Variants in COX7A2L observed in about 807,000 individuals in gnomAD.
The protein encoded by COX7A2L is cytochrome c oxidase subunit 7A2 like.
In COX7A2L, 18 loss-of-function variants were observed where a neutral mutation model predicts 14.2. The observed-to-expected ratio is 1.27, with a 90% CI of 0.88 to 1.88. The LOEUF (loss-of-function observed/expected upper bound fraction) is 1.88, where lower values mean the gene tolerates loss of function less well. COX7A2L is among the 40% of genes most tolerant of loss of function. The pLI is 0.00. For missense variants in COX7A2L, 179 were observed against 138.8 expected (o/e 1.29, Z -1.46); for synonymous variants, 65 against 57.4 (o/e 1.13, Z -0.60).
Position 42,338,358 on chromosome 2 carries a change from A to T in COX7A2L, c.193-4489T>A, listed in dbSNP as rs566795966. ...CTTATTCAGAATTAATCAAATGGAA[A>T]GGAAGAGCAGAATTTCACTCTCTAG... On this transcript the variant is annotated intron_variant, in intron 2 of 2. Coordinates refer to the COX7A2L transcript ENST00000468711. The surrounding 1 kb of genome is among the most constrained non-coding windows in gnomAD (Gnocchi z 4.4). 2.0e-5 allele frequency among the ~76,000 whole-genome samples: 3 copies of T among 152,296 alleles called. No individual in the cohort carries two copies. In the East Asian group the frequency reaches 5.8e-4, roughly 29 times the overall value.
In COX7A2L at chr2:42,339,722, C is replaced by G. The variant is rs1470486895; in HGVS notation, c.193-5853G>C. ...CACACAGCCACCCCTGGAGGAAGAC[C>G]TGGGATGCTGCCAGCACTCAGAAGT... On this transcript the variant is annotated intron_variant, in intron 2 of 2. Transcript: ENST00000468711. This position sits in a 1 kb window ranked among gnomAD's most constrained non-coding sequence, Gnocchi z 5.4. Among the ~76,000 whole-genome samples the G allele has an allele frequency of 6.6e-6, 1 of 152,178 alleles. No homozygotes were observed. The highest frequency in any genetic ancestry group is 1.5e-5 in the Non-Finnish European group (1 of 68,030).
intron 1 of COX7A2L, among the ~76,000 whole-genome samples, chr2:42,354,212 G>A (rs1461852418): frequency 1.3e-5 from 2 of 152,018 alleles, no homozygotes; most frequent in Non-Finnish European, 2.9e-5. Context: ...ACCCTAAATT[G>A]TACCCTTTAA....
chr2:42,359,389 T>G (rs1297678265), intron 1 of COX7A2L: 1 of 152,234 alleles, frequency 6.6e-6, no homozygotes, highest in Non-Finnish European at 1.5e-5. Context: ...TCTTGCATAT[T>G]GAGGGAGGTG....
chr2:42,362,322 A>G (rs1202577982), upstream of COX7A2L, among the ~76,000 whole-genome samples: 1 of 152,238 alleles, frequency 6.6e-6, no homozygotes, highest in Non-Finnish European at 1.5e-5. Context: ...TAGCTTCATC[A>G]TCTAACCATA....
At chr2:42,361,838 C>T (rs1264368908), upstream of COX7A2L, 1 of 152,238 alleles carries the variant, frequency 6.6e-6, no homozygotes, top group East Asian at 1.9e-4. Flanking sequence ...GGCCAAGCTT[C>T]CCCTGGCAAC....
rs1308629811 is a variant in COX7A2L at position 42,351,145 on chromosome 2, A to T, written c.*74T>A. On this transcript the variant is annotated 3_prime_UTR_variant, in exon 3 of 3. Coordinates refer to ENST00000234301, the MANE Select transcript of COX7A2L (RefSeq NM_004718.4). ...TTAAGCCATCCAAGTAAAAAAAAAA[A>T]TTTTAATTTAACAATGAAAAAGGAA... 2.1e-5 allele frequency: 30 copies of T among 1,457,584 alleles called. No homozygotes were observed. The highest frequency in any genetic ancestry group is 1.7e-4 in the East Asian group (7 of 41,740). 90.3% of individuals were successfully genotyped at this position (1,457,584 alleles called of 1,614,324 possible).
intron 1 of COX7A2L, among the ~76,000 whole-genome samples, chr2:42,368,670 T>C (rs577045393): frequency 9.8e-5 from 15 of 152,330 alleles, no homozygotes; most frequent in Admixed American, 2.0e-4. Context: ...TTTGTGAGGA[T>C]TGAGTTTATT....
chr2:42,352,281 C>T lies in COX7A2L; in HGVS notation c.205-922G>A, dbSNP rs147357075. 6.5e-3 allele frequency among the ~76,000 whole-genome samples: 985 copies of T among 152,160 alleles called. 12 individuals carry two copies. The highest frequency in any genetic ancestry group is 0.022 in the African/African-American group (925 of 41,512). On this transcript the variant is annotated intron_variant, in intron 2 of 2. Transcript: ENST00000234301. Reference sequence around the variant, plus strand: ...AAATCCTGGGCTAAAGTGATCCTCCCGCCTCGGCCTCTGGAGTAGCTGGGG... The same window carrying T: ...AAATCCTGGGCTAAAGTGATCCTCCTGCCTCGGCCTCTGGAGTAGCTGGGG...
At chr2:42,343,609 G>A (rs190285267) in intron 2 of COX7A2L, among the ~76,000 whole-genome samples, 81 of 152,254 alleles carry the variant, frequency 5.3e-4, no homozygotes, top group Non-Finnish European at 9.1e-4. Context: ...GAGGCAAAAC[G>A]TCAAATATAT....
At position 42,350,623 on chromosome 2, in the gene COX7A2L, G is replaced by C. The variant is rs970690435; in HGVS notation, c.*596C>G. The C allele has an allele frequency of 6.6e-6, 1 of 151,892 alleles. No individual in the cohort carries two copies. Among genetic ancestry groups the C allele is most frequent in the African/African-American group, 2.4e-5 (1 of 41,272 alleles). 9.4% of individuals were successfully genotyped at this position (151,892 alleles called of 1,614,324 possible). ...TTAACAAAACAGACACCAGTCTAAA[G>C]TGCAACACTAAACAGGTATTCTCTG... is the stretch of plus-strand genomic sequence containing the variant. On this transcript the variant is annotated 3_prime_UTR_variant, in exon 3 of 3. Coordinates refer to ENST00000234301, the MANE Select transcript of COX7A2L (RefSeq NM_004718.4).
rs1431771082 is a variant in COX7A2L at position 42,338,853 on chromosome 2, A to G, written c.193-4984T>C. On this transcript the variant is annotated intron_variant, in intron 2 of 2. Transcript: ENST00000468711. The surrounding 1 kb of genome is among the most constrained non-coding windows in gnomAD (Gnocchi z 4.4). ...CAGAGGTACCATCTCCCATGTCTAG[A>G]AAGGAAAAAGAGAAGATGAAGGCCT... 6.6e-6 allele frequency among the ~76,000 whole-genome samples: 1 copy of G among 152,198 alleles called. No homozygotes were observed. The highest frequency in any genetic ancestry group is 1.5e-5 in the Non-Finnish European group (1 of 68,034).
intron 2 of COX7A2L, among the ~76,000 whole-genome samples, chr2:42,337,778 T>C (rs1174515071): frequency 1.3e-5 from 2 of 152,158 alleles, no homozygotes; most frequent in East Asian, 3.8e-4. Context: ...TTACCTTCTT[T>C]TTATGCTTTT....
intron 2 of COX7A2L, 97 bp from the exon 3 acceptor site, chr2:42,351,456 T>A: frequency 7.3e-7 from 1 of 1,370,438 alleles, no homozygotes; most frequent in Non-Finnish European, 1.0e-6. Context: ...GGTAAGTAAT[T>A]CATCAACACA....
chr2:42,351,160 T>C lies in COX7A2L; in HGVS notation c.*59A>G. 6.7e-7 allele frequency: 1 copy of C among 1,500,600 alleles called. No homozygotes were observed. The highest frequency in any genetic ancestry group is 8.9e-7 in the Non-Finnish European group (1 of 1,121,526). 93.0% of individuals were successfully genotyped at this position (1,500,600 alleles called of 1,614,324 possible). A position where few individuals can be genotyped will look rare whatever the true frequency, so the allele number is the denominator to read the frequency against. On this transcript the variant is annotated 3_prime_UTR_variant, in exon 3 of 3. Transcript: ENST00000234301. ...AAAAAAAAAAATTTTAATTTAACAA[T>C]GAAAAAGGAACTTCAAAGGGTTTAT... is the stretch of plus-strand genomic sequence containing the variant.
In COX7A2L at chr2:42,366,677, C is replaced by T. The variant is rs563279232; in HGVS notation, c.-688+2191G>A. ...TGTAAAAGTAGTAAAACTGGATCTG[C>T]AGTCACTGATATTGCCCAAAAATTA... On this transcript the variant is annotated intron_variant, in intron 1 of 3. Coordinates refer to the COX7A2L transcript ENST00000378669. 2.0e-5 allele frequency among the ~76,000 whole-genome samples: 3 copies of T among 152,342 alleles called. No individual in the cohort carries two copies. In the East Asian group the frequency reaches 5.8e-4, roughly 29 times the overall value.
chr2:42,341,362 C>A (rs1282979894), intron 2 of COX7A2L, among the ~76,000 whole-genome samples: 1 of 152,210 alleles, frequency 6.6e-6, no homozygotes, highest in Non-Finnish European at 1.5e-5. Context: ...TCCCTCCCGA[C>A]CTGCCCAAGT....
upstream of COX7A2L, chr2:42,361,567 C>A (rs538326166): frequency 1.3e-5 from 2 of 159,768 alleles, no homozygotes; most frequent in African/African-American, 4.9e-5. Flanking sequence ...GGGCTCCAGG[C>A]GGGGCCTGGG....
At chr2:42,366,360 G>T (rs1671165757) in intron 1 of COX7A2L, among the ~76,000 whole-genome samples, 1 of 152,204 alleles carries the variant, frequency 6.6e-6, no homozygotes, top group Non-Finnish European at 1.5e-5. Flanking sequence ...GGAGGTTGAG[G>T]CTGCAGTGAC....
At chr2:42,357,919 T>C (rs771730589) in intron 1 of COX7A2L, among the ~76,000 whole-genome samples, 1 of 152,176 alleles carries the variant, frequency 6.6e-6, no homozygotes, top group Non-Finnish European at 1.5e-5. Context: ...CAGTCAAACT[T>C]ACCTACCCAA....
Sources: gnomAD v4.1 joint callset for allele counts (sites outside exome capture counted in the v4.1 genomes callset) on GRCh38, gnomAD v4.1.1 for gene constraint, Gnocchi (gnomAD v3.1) non-coding constraint, MANE v1.5 for transcripts, NCBI Gene and HGNC (gene_info 2026-07-23, HGNC 2026-07-21) for gene names.